EML6: variants seen among roughly 807,000 people sequenced by gnomAD.
EML6 encodes the protein EMAP like 6.
Under a neutral mutation model 240.1 loss-of-function variants are expected in EML6, and 154 were observed. That is an observed-to-expected ratio of 0.64 (90% CI 0.56 to 0.73). The LOEUF is 0.73. EML6 is among the 30% of genes least tolerant of loss of function. The probability of loss-of-function intolerance (pLI) is 0.00; values close to 1 mark genes in which losing one functional copy is unlikely to be tolerated. For synonymous variants in EML6, 1,148 were observed against 899.0 expected (o/e 1.28, Z -4.95); for missense variants, 2,964 against 2,474.6 (o/e 1.20, Z -4.20).
intron 32 of EML6, among the ~76,000 whole-genome samples, chr2:54,956,092 A>G (rs1381139748): frequency 1.3e-5 from 2 of 152,198 alleles, no homozygotes; most frequent in African/African-American, 4.8e-5. Flanking sequence ...CCATGTCGTC[A>G]GGTCCTAGGT....
At chr2:54,796,311 C>G (rs1335559048) in intron 2 of EML6, among the ~76,000 whole-genome samples, 2 of 152,114 alleles carry the variant, frequency 1.3e-5, no homozygotes, top group African/African-American at 2.4e-5. Context: ...TCAGTCTTTA[C>G]TCATTACTCT....
At chr2:54,928,916 C>T (rs1021360851) in intron 28 of EML6, among the ~76,000 whole-genome samples, 165 bp downstream of exon 28, 3 of 152,188 alleles carry the variant, frequency 2.0e-5, no homozygotes, top group Non-Finnish European at 1.5e-5. Context: ...GAAAAAATTG[C>T]ACAACATCCC....
intron 3 of EML6, among the ~76,000 whole-genome samples, chr2:54,814,473 T>G (rs914412366): frequency 6.6e-6 from 1 of 152,186 alleles, no homozygotes; most frequent in African/African-American, 2.4e-5. Context: ...ATTCATCTCC[T>G]CCCTAAGGCG....
intron 9 of EML6, among the ~76,000 whole-genome samples, chr2:54,848,510 T>C (rs1669891758): frequency 1.4e-5 from 1 of 71,632 alleles, no homozygotes; most frequent in East Asian, 5.8e-4. Flanking sequence ...GATGGACTTC[T>C]CAAGCTTCCA....
At chr2:54,778,396 T>G (rs965513125) in intron 2 of EML6, among the ~76,000 whole-genome samples, 1 of 152,026 alleles carries the variant, frequency 6.6e-6, no homozygotes, top group African/African-American at 2.4e-5. Flanking sequence ...CTGTCTGGGA[T>G]GAGGAGAAAG....
intron 7 of EML6, among the ~76,000 whole-genome samples, chr2:54,830,497 C>G (rs543798177): frequency 2.5e-4 from 38 of 152,292 alleles, no homozygotes; most frequent in Non-Finnish European, 3.8e-4. Context: ...TCAAAGTCCT[C>G]AACAGGCCTG....
chr2:54,870,727 A>T (rs1473999644), intron 15 of EML6, among the ~76,000 whole-genome samples: 1 of 151,946 alleles, frequency 6.6e-6, no homozygotes, highest in Admixed American at 6.6e-5. Flanking sequence ...GAGTTACTGC[A>T]CTCAATACTG....
At chr2:54,819,437 G>A (rs1052814633) in intron 4 of EML6, among the ~76,000 whole-genome samples, 3 of 152,124 alleles carry the variant, frequency 2.0e-5, no homozygotes, top group African/African-American at 4.8e-5. Flanking sequence ...CTTGTCTCTG[G>A]ATTGGAAATA....
In EML6 at chr2:54,797,164, C is replaced by CAAAAAAAAAAAAAAAAAA. The variant is rs773498648; in HGVS notation, c.198-16060_198-16043dup. Among the ~76,000 whole-genome samples, 72 of 43,832 alleles carry CAAAAAAAAAAAAAAAAAA rather than the reference C, an allele frequency of 1.6e-3. 3 individuals are homozygous for CAAAAAAAAAAAAAAAAAA. The highest frequency in any genetic ancestry group is 6.4e-3 in the East Asian group (7 of 1,094). The allele number at this position is 43,832 out of a possible 152,430, so 28.8% of individuals were successfully genotyped here. ...TGGGTGACAGAGCAAGACTCCATCT[C>CAAAAAAAAAAAAAAAAAA]AAAAAAAAAAAAAAAAAAAAAAAAA... On this transcript the variant is annotated intron_variant, in intron 2 of 41. Coordinates refer to ENST00000356458, the MANE Select transcript of EML6 (RefSeq NM_001039753.4).
At chr2:54,836,579 C>A (rs1019609008) in intron 7 of EML6, among the ~76,000 whole-genome samples, 2 of 152,100 alleles carry the variant, frequency 1.3e-5, no homozygotes, top group African/African-American at 4.8e-5. Flanking sequence ...TGCTGAATGC[C>A]CACTCTGTGG....
intron 10 of EML6, among the ~76,000 whole-genome samples, chr2:54,852,495 G>A (rs927391421): frequency 6.6e-6 from 1 of 152,018 alleles, no homozygotes; most frequent in Non-Finnish European, 1.5e-5. Flanking sequence ...CTTATTATTG[G>A]GTATTTGAGC....
At chr2:54,938,375 C>T (rs927303589) in intron 28 of EML6, among the ~76,000 whole-genome samples, 2 of 152,168 alleles carry the variant, frequency 1.3e-5, no homozygotes, top group Non-Finnish European at 2.9e-5. Flanking sequence ...TTACATAAGG[C>T]AGGAGCTAAT....
intron 2 of EML6, among the ~76,000 whole-genome samples, chr2:54,776,709 G>A (rs1346856276): frequency 1.3e-5 from 2 of 152,032 alleles, no homozygotes; most frequent in Non-Finnish European, 2.9e-5. Context: ...AAAAAAGAAT[G>A]TCTCCTCCCT....
chr2:54,953,979 T>TC lies in EML6; in HGVS notation c.4313-3dup. 2 of 1,546,734 alleles carry TC rather than the reference T, an allele frequency of 1.3e-6. No homozygotes were observed. Among genetic ancestry groups the TC allele is most frequent in the Non-Finnish European group, 1.7e-6 (2 of 1,144,134 alleles). ...ACTTCTTTGTCATGCCTCTCCACAC[T>TC]CAGGGACAACACCTTCCATCCACAT... On this transcript the variant is annotated splice_region_variant and splice_polypyrimidine_tract_variant and intron_variant, in intron 31 of 41. Transcript: ENST00000356458.
At chr2:54,867,110 A>G in intron 14 of EML6, 1 of 360,476 alleles carries the variant, frequency 2.8e-6, no homozygotes, top group Non-Finnish European at 5.1e-6. Context: ...TTGTCTCTAG[A>G]TTTCTCAGAC....
At chr2:54,884,585 C>A (rs559414485) in intron 17 of EML6, among the ~76,000 whole-genome samples, 1 of 152,132 alleles carries the variant, frequency 6.6e-6, no homozygotes, top group African/African-American at 2.4e-5. Context: ...TACAAGAAGA[C>A]CTCCATGGAG....
At chr2:54,761,057 C>T (rs896037693) in intron 2 of EML6, among the ~76,000 whole-genome samples, 1 of 152,090 alleles carries the variant, frequency 6.6e-6, no homozygotes, top group Non-Finnish European at 1.5e-5. Context: ...AACTAGATTT[C>T]AGCTTCTCTG....
intron 2 of EML6, among the ~76,000 whole-genome samples, chr2:54,800,621 C>T (rs2567970): frequency 6.6e-6 from 1 of 152,026 alleles, no homozygotes; most frequent in Non-Finnish European, 1.5e-5. Context: ...CTCAAGAGGG[C>T]ATTGTCCCTT....
chr2:54,933,707 G>C (rs934375883), intron 28 of EML6, among the ~76,000 whole-genome samples: 1 of 152,110 alleles, frequency 6.6e-6, no homozygotes, highest in African/African-American at 2.4e-5. Flanking sequence ...ACTCCAGCCT[G>C]GGTGACAGAG....
Sources: gnomAD v4.1 joint callset for allele counts (sites outside exome capture counted in the v4.1 genomes callset) on GRCh38, gnomAD v4.1.1 for gene constraint, MANE v1.5 for transcripts, NCBI Gene and HGNC (gene_info 2026-07-23, HGNC 2026-07-21) for gene names.